TMF1: variants seen among roughly 807,000 people sequenced by gnomAD.
TMF1 encodes TATA element modulatory factor.
A neutral mutation model predicts 126.5 loss-of-function variants in TMF1; 71 were observed. The observed-to-expected ratio is 0.56, with a 90% CI of 0.46 to 0.68. TMF1 has a LOEUF of 0.68. TMF1 is among the 30% of genes least tolerant of loss of function. The pLI is 0.00. For synonymous variants in TMF1, 461 were observed against 430.5 expected (o/e 1.07, Z -0.88); for missense variants, 1,259 against 1,253.2 (o/e 1.00, Z -0.07).
At chr3:69,027,849 A>T in intron 13 of TMF1, 51 bp downstream of exon 13, 1 of 910,996 alleles carries the variant, frequency 1.1e-6, no homozygotes, top group Non-Finnish European at 1.7e-6. Context: ...GATTAATCAC[A>T]GCATCTACTA....
At chr3:69,026,852 T>C (rs937307640) in intron 13 of TMF1, among the ~76,000 whole-genome samples, 14 of 152,200 alleles carry the variant, frequency 9.2e-5, no homozygotes, top group Admixed American at 2.0e-4. Context: ...TTCTGGCTTA[T>C]CCATTTTATT....
chr3:69,047,928 A>C lies in TMF1; in HGVS notation c.777T>G (p.Ile259Met), dbSNP rs1388737641. Residue 259 changes from isoleucine (I) to methionine (M), a missense_variant, in exon 2 of 17, where the codon ATT (isoleucine) becomes ATG (methionine). By Grantham distance (10) the Ile-to-Met change is conservative. Coordinates refer to ENST00000398559, the MANE Select transcript of TMF1 (RefSeq NM_007114.3). ...FSSGTSTTSD[I>M]EVLDHESVIS... ...TTACACTTTCATGATCTAAAACTTC[A>C]ATATCACTGGTGGTAGAAGTACCTG... 1.3e-5 allele frequency: 21 copies of C among 1,613,818 alleles called. 1 individual carries two copies. The Admixed American group carries it at 3.5e-4, about 27-fold the overall frequency.
intron 5 of TMF1, among the ~76,000 whole-genome samples, chr3:69,040,915 C>CT (rs1184769293): frequency 1.3e-5 from 2 of 148,428 alleles, no homozygotes; most frequent in Admixed American, 1.3e-4. Flanking sequence ...CAGTGAGACT[C>CT]TGTTTCAAAA....
intron 8 of TMF1, among the ~76,000 whole-genome samples, chr3:69,037,669 G>T (rs2091840081): frequency 6.6e-6 from 1 of 152,056 alleles, no homozygotes; most frequent in Admixed American, 6.6e-5. Flanking sequence ...AGCCAGGCAT[G>T]GTAGCACCTG....
chr3:69,030,090 T>A, intron 10 of TMF1, 83 bp from the exon 11 acceptor site: 1 of 1,231,424 alleles, frequency 8.1e-7, no homozygotes, highest in Non-Finnish European at 1.1e-6. Flanking sequence ...TTCAAACATT[T>A]AATGATGCAA....
chr3:69,037,276 C>T (rs896653339), intron 8 of TMF1, among the ~76,000 whole-genome samples: 1 of 152,126 alleles, frequency 6.6e-6, no homozygotes, highest in South Asian at 2.1e-4. Context: ...AGGCGGATCA[C>T]GAGGTCAGGA....
Position 69,035,367 on chromosome 3 carries a change from C to G in TMF1, c.2152-252G>C, listed in dbSNP as rs1012159451. On this transcript the variant is annotated intron_variant, in intron 8 of 16. Transcript: ENST00000398559. ...GCAAACAAATATGTATAAGGCATAG[C>G]CATTACCATACAATATTGGAGAAAA... 4 of 448,226 alleles carry G rather than the reference C, an allele frequency of 8.9e-6. No individual in the cohort carries two copies. In the South Asian group the frequency reaches 1.1e-4, roughly 12 times the overall value. The allele number at this position is 448,226 out of a possible 1,614,324, so 27.8% of individuals were successfully genotyped here.
At chr3:69,025,333 C>T in intron 15 of TMF1, 1 of 425,682 alleles carries the variant, frequency 2.3e-6, no homozygotes, top group Non-Finnish European at 4.2e-6. Flanking sequence ...GACAGATCAG[C>T]CGAATATGCC....
chr3:69,034,457 A>G (rs1291153616), intron 9 of TMF1, among the ~76,000 whole-genome samples: 6 of 152,198 alleles, frequency 3.9e-5, no homozygotes, highest in Non-Finnish European at 1.5e-5. Flanking sequence ...TGGGCAACAG[A>G]GCAAGACTCT....
At position 69,048,020 on chromosome 3, in the gene TMF1, G is replaced by A; in HGVS notation, c.685C>T (p.Pro229Ser). 1 of 1,613,870 alleles carries A rather than the reference G, an allele frequency of 6.2e-7. No homozygotes were observed. Among genetic ancestry groups the A allele is most frequent in the East Asian group, 2.2e-5 (1 of 44,874 alleles). Reference sequence around the variant, plus strand: ...CTGTCTTCATGTTTTTGTTCCTTAGGTTCCAAAGCTATGTCCTTTGTTTCT... The same window carrying A: ...CTGTCTTCATGTTTTTGTTCCTTAGATTCCAAAGCTATGTCCTTTGTTTCT... ...TAETKDIALE[P>S]KEQKHEDRQS... The change falls in exon 2 of 17, where the codon CCT (proline) becomes TCT (serine). Residue 229 changes from proline to serine, a missense_variant. By Grantham distance (74) the Pro-to-Ser change is moderately conservative. Transcript: ENST00000398559.
intron 11 of TMF1, among the ~76,000 whole-genome samples, chr3:69,028,951 T>C (rs571951367): frequency 2.8e-4 from 42 of 151,808 alleles, no homozygotes; most frequent in Non-Finnish European, 5.2e-4. Flanking sequence ...GAAAAAAAAA[T>C]AAATACAAAA....
intron 8 of TMF1, among the ~76,000 whole-genome samples, chr3:69,038,243 G>A (rs1235852796): frequency 6.6e-6 from 1 of 152,140 alleles, no homozygotes; most frequent in Non-Finnish European, 1.5e-5. Flanking sequence ...TTATGAATGA[G>A]CTCAGGAGTT....
chr3:69,051,026 T>C (rs1320802412), intron 1 of TMF1, among the ~76,000 whole-genome samples: 1 of 152,216 alleles, frequency 6.6e-6, no homozygotes, highest in Non-Finnish European at 1.5e-5. Context: ...CCAGAAATCT[T>C]GGGTCACACA....
intron 11 of TMF1, among the ~76,000 whole-genome samples, chr3:69,029,097 G>A (rs1282873230): frequency 2.0e-5 from 3 of 150,588 alleles, no homozygotes; most frequent in East Asian, 2.0e-4. Context: ...GGGGTGCAAT[G>A]GTGCAATCTC....
At position 69,033,627 on chromosome 3, in the gene TMF1, T is replaced by C. The variant is rs766461388; in HGVS notation, c.2322A>G (p.Gln774=). Reference sequence around the variant, plus strand: ...CCAGGGTTGCTTGCAAATTTTCTATTTGTCGAAGCAATGGTCTTGTTGTTG... The same window carrying C: ...CCAGGGTTGCTTGCAAATTTTCTATCTGTCGAAGCAATGGTCTTGTTGTTG... ...VSSTTRPLLR[Q]IENLQATLGS... Residue 774 remains glutamine, a synonymous_variant, in exon 10 of 17, where the codon CAA becomes CAG. Coordinates refer to ENST00000398559, the MANE Select transcript of TMF1 (RefSeq NM_007114.3). 2.5e-6 allele frequency: 4 copies of C among 1,614,112 alleles called. No homozygotes were observed. Among genetic ancestry groups the C allele is most frequent in the Non-Finnish European group, 3.4e-6 (4 of 1,180,014 alleles).
Position 69,022,683 on chromosome 3 carries a change from T to C in TMF1, c.*494A>G, listed in dbSNP as rs2091746029. 1.3e-5 allele frequency: 2 copies of C among 152,538 alleles called. No individual in the cohort carries two copies. The highest frequency in any genetic ancestry group is 4.8e-5 in the African/African-American group (2 of 41,462). The allele number at this position is 152,538 out of a possible 1,614,324, so 9.4% of individuals were successfully genotyped here. On this transcript the variant is annotated 3_prime_UTR_variant, in exon 17 of 17. Transcript: ENST00000398559. ...AATTTAATAGCCACAGATTTAATAA[T>C]TTTTTACTTTAACACTTAATGTACA... is the stretch of plus-strand genomic sequence containing the variant.
At position 69,044,589 on chromosome 3, in the gene TMF1, C is replaced by G. The variant is rs756217117; in HGVS notation, c.1354G>C (p.Glu452Gln). 4.1e-5 allele frequency: 66 copies of G among 1,604,826 alleles called. No individual in the cohort carries two copies. In the East Asian group the frequency reaches 1.3e-3, roughly 31 times the overall value. Residue 452 changes from glutamate (E) to glutamine (Q), a missense_variant, in exon 3 of 17, where the codon GAA (glutamate) becomes CAA (glutamine). By Grantham distance (29) the Glu-to-Gln change is conservative. Transcript: ENST00000398559. ...TTTTCCAGCTTTTCATTCAGAAATT[C>G]AACTGTCTGGATAAGGCGAATACAT... ...SEKEDVCKTVEFLNEKLEKRE... is the reference protein window; with the variant it reads ...SEKEDVCKTVQFLNEKLEKRE...
chr3:69,029,367 T>C (rs1262213001), intron 11 of TMF1, among the ~76,000 whole-genome samples: 1 of 152,058 alleles, frequency 6.6e-6, no homozygotes, highest in East Asian at 1.9e-4. Context: ...TAACTTTAAA[T>C]GCTAAAAGTG....
At chr3:69,030,536 T>C (rs2091794630) in intron 10 of TMF1, 2 of 152,174 alleles carry the variant, frequency 1.3e-5, no homozygotes, top group South Asian at 2.1e-4. Context: ...AAAGGCAAAC[T>C]ACAGAGTGAG....
Sources: allele counts gnomAD v4.1 joint callset (sites outside exome capture counted in the v4.1 genomes callset), GRCh38; gene constraint gnomAD v4.1.1; transcripts MANE v1.5; gene names NCBI Gene and HGNC (gene_info 2026-07-23, HGNC 2026-07-21).